The following HMCN2 variants were observed in gnomAD, a reference collection of about 807,000 sequenced individuals.
HMCN2 encodes the protein hemicentin-2.
HMCN2 carries 325 observed loss-of-function variants against 377.5 expected under a neutral mutation model. The ratio of observed to expected loss-of-function variants is 0.86; its 90% confidence interval spans 0.79 to 0.94. The LOEUF is 0.94. Ranked by LOEUF, HMCN2 falls within the 40% of genes least tolerant of loss-of-function variation. The pLI is 0.00. For synonymous variants in HMCN2, 2,007 were observed against 2,046.8 expected, an observed-to-expected ratio of 0.98 and a Z score of 0.53; for missense variants, 4,543 against 4,725.3, an observed-to-expected ratio of 0.96 and a Z score of 1.13.
At position 130,334,219 on chromosome 9, in the gene HMCN2, T is replaced by C. The variant is rs907386776; in HGVS notation, c.3360-3675T>C. Among the ~76,000 whole-genome samples the C allele has an allele frequency of 3.3e-5, 5 of 152,142 alleles. No individual in the cohort carries two copies. The South Asian group carries it at 1.0e-3, about 32-fold the overall frequency. ...GAGGAACGGTGGTCCAGTGCCCCCA[T>C]GCAGGGATGCAGGGGAGTTGGGGGT... On this transcript the variant is annotated intron_variant, in intron 22 of 97. Transcript: ENST00000683500.
At chr9:130,274,994 T>C (rs4837486) in intron 1 of HMCN2, among the ~76,000 whole-genome samples, 85,626 of 152,100 alleles carry the variant, frequency 0.56, 24,524 homozygotes, top group East Asian at 0.87. Context: ...TTTGTTAAAG[T>C]ATAGGAGCAT....
intron 8 of HMCN2, among the ~76,000 whole-genome samples, chr9:130,301,644 C>A (rs1020781794): frequency 4.6e-5 from 7 of 152,242 alleles, no homozygotes; most frequent in Non-Finnish European, 1.0e-4. Flanking sequence ...CACCCCTCCC[C>A]CCCCGGGACA....
chr9:130,290,544 G>A (rs1349976068), intron 4 of HMCN2, among the ~76,000 whole-genome samples: 1 of 152,220 alleles, frequency 6.6e-6, no homozygotes, highest in Non-Finnish European at 1.5e-5. Flanking sequence ...GGGGACGGTG[G>A]TAACGGACCT....
rs76367193 is a variant in HMCN2, at chr9:130,401,027, C to T, written c.11770+80C>T. 1,871 of 1,174,266 alleles carry T rather than the reference C, an allele frequency of 1.6e-3. 31 individuals carry two copies. The East Asian group carries it at 0.043, about 27-fold the overall frequency. The allele number at this position is 1,174,266 out of a possible 1,614,324, so 72.7% of individuals were successfully genotyped here. A position where few individuals can be genotyped will look rare whatever the true frequency, so the allele number is the denominator to read the frequency against. ...GCAGAGGGGGTGAAAGGTCACATGG[C>T]GGAATAGGATGGAACTATCTGGCCT... On this transcript the variant is annotated intron_variant, in intron 77 of 97. Coordinates refer to ENST00000683500, the MANE Select transcript of HMCN2 (RefSeq NM_001291815.2).
chr9:130,289,340 T>TG (rs1274586297), intron 4 of HMCN2, among the ~76,000 whole-genome samples: 14 of 149,198 alleles, frequency 9.4e-5, no homozygotes, highest in African/African-American at 2.2e-4. Context: ...GGGCGGAAGA[T>TG]GGGGGGGTGA....
chr9:130,301,840 C>T (rs1836532303), intron 8 of HMCN2, among the ~76,000 whole-genome samples: 1 of 152,238 alleles, frequency 6.6e-6, no homozygotes, highest in South Asian at 2.1e-4. Context: ...TCTGATGGGC[C>T]ATGGCTGACC....
At chr9:130,317,772 C>A (rs1026116852) in intron 15 of HMCN2, among the ~76,000 whole-genome samples, 1 of 141,980 alleles carries the variant, frequency 7.0e-6, no homozygotes, top group Non-Finnish European at 1.5e-5. Flanking sequence ...GGCGACAGAG[C>A]GAGACTCTGT....
intron 1 of HMCN2, among the ~76,000 whole-genome samples, chr9:130,269,187 A>T (rs1554920262): frequency 6.8e-6 from 1 of 147,580 alleles, no homozygotes; most frequent in African/African-American, 2.4e-5. Flanking sequence ...GAAATTTTAC[A>T]GTTTCTAAAT....
chr9:130,349,094 TG>T lies in HMCN2; in HGVS notation c.4268del (p.Gly1423AlafsTer27), dbSNP rs750880650. The T allele has an allele frequency of 9.2e-6, 12 of 1,304,112 alleles. No homozygotes were observed. In the African/African-American group the frequency reaches 1.7e-4, roughly 18 times the overall value. 80.8% of individuals were successfully genotyped at this position (1,304,112 alleles called of 1,614,324 possible). A position where few individuals can be genotyped will look rare whatever the true frequency, so the allele number is the denominator to read the frequency against. On this transcript the variant is annotated frameshift_variant, in exon 28 of 98. Transcript: ENST00000683500. LOFTEE classifies it high-confidence loss of function. Reference protein sequence around the residue: ...LYSCRAENQAGTAQRDFHLLV... With the variant: ...LYSCRAENQAXTAQRDFHLLV... ...ACTCCTGCCGGGCAGAGAACCAGGC[TG>T]GCACCGCCCAGAGGGACTTCCATCT...
chr9:130,394,050 G>T lies in HMCN2; in HGVS notation c.10501+42G>T, dbSNP rs1419302586. ...CTGGCCAGCTTCTCTGGGCTCGGGG[G>T]AGAGGGTGGGACTCTAGGGGCAATG... On this transcript the variant is annotated intron_variant, in intron 68 of 97. Coordinates refer to ENST00000683500, the MANE Select transcript of HMCN2 (RefSeq NM_001291815.2). The surrounding 1 kb of genome is among the most constrained non-coding windows in gnomAD (Gnocchi z 5.1). The T allele has an allele frequency of 4.2e-6, 5 of 1,202,364 alleles. No homozygotes were observed. In the Admixed American group the frequency reaches 1.3e-4, roughly 32 times the overall value. 74.5% of individuals were successfully genotyped at this position (1,202,364 alleles called of 1,614,324 possible).
chr9:130,336,191 A>C (rs1838739565), intron 22 of HMCN2, among the ~76,000 whole-genome samples: 1 of 152,220 alleles, frequency 6.6e-6, no homozygotes, highest in Non-Finnish European at 1.5e-5. Flanking sequence ...ATGTCCACTC[A>C]AAAGGGAGCA....
intron 85 of HMCN2, among the ~76,000 whole-genome samples, chr9:130,413,743 G>A (rs144771542): frequency 6.6e-4 from 100 of 152,034 alleles, no homozygotes; most frequent in African/African-American, 2.3e-3. Flanking sequence ...GTGCACGTGC[G>A]CACACACACG....
intron 22 of HMCN2, among the ~76,000 whole-genome samples, chr9:130,331,138 C>A (rs1838403857): frequency 6.8e-6 from 1 of 147,530 alleles, no homozygotes; most frequent in Non-Finnish European, 1.5e-5. Context: ...ATCCTTGCAA[C>A]AGAGCAAGAC....
intron 23 of HMCN2, chr9:130,338,366 C>T (rs978654407): frequency 6.6e-6 from 1 of 152,392 alleles, no homozygotes; most frequent in Non-Finnish European, 1.5e-5. Context: ...GAGAGGGTCT[C>T]TGCCTGGTAC....
chr9:130,304,290 C>T lies in HMCN2; in HGVS notation c.1544-440C>T, dbSNP rs1229589631. Among the ~76,000 whole-genome samples, 1 of 152,174 alleles carries T rather than the reference C, an allele frequency of 6.6e-6. No homozygotes were observed. The highest frequency in any genetic ancestry group is 2.4e-5 in the African/African-American group (1 of 41,430). On this transcript the variant is annotated intron_variant, in intron 10 of 97. Coordinates refer to ENST00000683500, the MANE Select transcript of HMCN2 (RefSeq NM_001291815.2). The surrounding 1 kb of genome is among the most constrained non-coding windows in gnomAD (Gnocchi z 4.3). Reference sequence around the variant, plus strand: ...TATCCAGATAGCAGTTTGCTTAGCGCTTTCCTCCTTGGGGGCATATTTGGC... The same window carrying T: ...TATCCAGATAGCAGTTTGCTTAGCGTTTTCCTCCTTGGGGGCATATTTGGC...
intron 40 of HMCN2, 68 bp from the exon 41 acceptor site, chr9:130,364,646 G>A: frequency 1.2e-6 from 1 of 864,380 alleles, no homozygotes; most frequent in Non-Finnish European, 1.4e-6. Context: ...CCTGACCCAG[G>A]GTGTGGCCCC....
intron 93 of HMCN2, chr9:130,429,208 AC>A: frequency 4.0e-6 from 1 of 250,462 alleles, no homozygotes. Flanking sequence ...CCTCACCACG[AC>A]CCCATGAAGA....
chr9:130,313,947 T>C (rs1194631372), intron 15 of HMCN2, among the ~76,000 whole-genome samples: 5 of 151,966 alleles, frequency 3.3e-5, no homozygotes, highest in Non-Finnish European at 5.9e-5. Context: ...TCCCGGCTGA[T>C]TTTTGTATTT....
chr9:130,357,263 T>G, intron 34 of HMCN2, among the ~76,000 whole-genome samples: 1 of 110,620 alleles, frequency 9.0e-6, no homozygotes, highest in African/African-American at 3.6e-5. Flanking sequence ...GGTGGGTAGA[T>G]GGATGAATGG....
Sources: gnomAD v4.1 joint callset for allele counts (sites outside exome capture counted in the v4.1 genomes callset) on GRCh38, gnomAD v4.1.1 for gene constraint, Gnocchi (gnomAD v3.1) non-coding constraint, MANE v1.5 for transcripts, NCBI Gene and HGNC (gene_info 2026-07-23, HGNC 2026-07-21) for gene names.